The following ARMC2 variants were observed in gnomAD, a reference collection of about 807,000 sequenced individuals.
ARMC2 encodes armadillo repeat containing 2, also known as armadillo repeat-containing protein 2.
ARMC2 carries 67 observed loss-of-function variants against 90.3 expected under a neutral mutation model. That is an observed-to-expected ratio of 0.74 (90% confidence interval 0.61 to 0.91). ARMC2 has a LOEUF of 0.91. Among genes scored for constraint, ARMC2 ranks in the 40% least tolerant of loss-of-function variants. ARMC2 has a pLI of 0.00. For missense variants in ARMC2, 920 were observed against 1,030.9 expected, an observed-to-expected ratio of 0.89 and a Z score of 1.47; for synonymous variants, 393 against 393.0, an observed-to-expected ratio of 1.00 and a Z score of 0.00.
chr6:108,857,602 C>CTCTT (rs148901821), intron 2 of ARMC2, among the ~76,000 whole-genome samples: 1,802 of 152,300 alleles, frequency 0.012, 34 homozygotes, highest in African/African-American at 0.042. Flanking sequence ...AGTGGGAAAA[C>CTCTT]TCTTATCATA....
intron 17 of ARMC2, among the ~76,000 whole-genome samples, chr6:108,965,942 C>T (rs959080629): frequency 1.5e-4 from 22 of 151,422 alleles, no homozygotes; most frequent in Non-Finnish European, 1.6e-4. Flanking sequence ...TGTGAACCAC[C>T]TTGCCTGGCC....
the ARMC2 span, chr6:108,999,995 G>A: frequency 2.0e-5 from 3 of 152,140 alleles, no homozygotes; most frequent in African/African-American, 7.2e-5. Flanking sequence ...GCATGAAGAA[G>A]CCTTAAATGG....
the ARMC2 span, among the ~76,000 whole-genome samples, chr6:109,036,765 C>T: frequency 1.0e-3 from 153 of 152,192 alleles, no homozygotes; most frequent in Middle Eastern, 0.014. Context: ...TTTCCAGTGG[C>T]GCTATTATTC....
the ARMC2 span, chr6:109,002,343 C>T: frequency 6.2e-7 from 1 of 1,612,672 alleles, no homozygotes. Flanking sequence ...ATGCCAAGTT[C>T]CTAGAAAAGA....
intron 8 of ARMC2, among the ~76,000 whole-genome samples, chr6:108,908,730 G>A (rs1583077155): frequency 6.6e-6 from 1 of 152,166 alleles, no homozygotes; most frequent in South Asian, 2.1e-4. Flanking sequence ...CAGCCTGGGT[G>A]AAAGAGCAAG....
rs146008418 is a variant in ARMC2 at position 108,926,331 on chromosome 6, G to A, written c.1351-1757G>A. On this transcript the variant is annotated intron_variant, in intron 10 of 17. Coordinates refer to ENST00000392644, the MANE Select transcript of ARMC2 (RefSeq NM_032131.6). ...AAACCAGTAGTGCTCCGGTGCCTGG[G>A]CTGTCTCAGGAGAACAGGTGGAAAC... Among the ~76,000 whole-genome samples, 820 of 152,334 alleles carry A rather than the reference G, an allele frequency of 5.4e-3. 5 individuals carry two copies. The highest frequency in any genetic ancestry group is 0.019 in the African/African-American group (774 of 41,578).
intron 13 of ARMC2, among the ~76,000 whole-genome samples, chr6:108,958,325 C>T (rs1382143833): frequency 1.3e-5 from 2 of 152,162 alleles, no homozygotes; most frequent in African/African-American, 4.8e-5. Context: ...GAGACAGATG[C>T]ACCTTTCGAG....
At chr6:108,962,158 T>C in intron 15 of ARMC2, 31 bp downstream of exon 15, 1 of 1,518,290 alleles carries the variant, frequency 6.6e-7, no homozygotes, top group African/African-American at 1.4e-5. Context: ...TTCATAAACA[T>C]TCACTTTTTG....
Position 108,865,230 on chromosome 6 carries a change from G to A in ARMC2, c.292-3594G>A, listed in dbSNP as rs560059183. On this transcript the variant is annotated intron_variant, in intron 3 of 17. Transcript: ENST00000392644. ...ACTCCTGACCTCAGGTGATCCCCCC[G>A]CCTCAGCCTCCCAAAGTGCTGGGAT... Among the ~76,000 whole-genome samples the A allele has an allele frequency of 4.1e-3, 626 of 152,018 alleles. 2 individuals are homozygous for A. Among genetic ancestry groups the A allele is most frequent in the African/African-American group, 0.014 (585 of 41,454 alleles).
intron 12 of ARMC2, among the ~76,000 whole-genome samples, chr6:108,949,905 C>A (rs1014851905): frequency 6.6e-6 from 1 of 152,300 alleles, no homozygotes; most frequent in Non-Finnish European, 1.5e-5. Context: ...TCAAACTAAT[C>A]CTCTTCAAAC....
At chr6:108,976,567 T>C (rs1316809480), downstream of ARMC2, among the ~76,000 whole-genome samples, 1 of 152,224 alleles carries the variant, frequency 6.6e-6, no homozygotes, top group African/African-American at 2.4e-5. Context: ...TTGATGGGGA[T>C]AGCATTGAAT....
the ARMC2 span, among the ~76,000 whole-genome samples, chr6:109,011,066 G>A: frequency 6.6e-6 from 1 of 152,154 alleles, no homozygotes; most frequent in South Asian, 2.1e-4. Flanking sequence ...ATTTCTGAAG[G>A]AATCACAGTT....
At chr6:108,961,469 G>T in intron 13 of ARMC2, 103 bp from the exon 14 acceptor site, 1 of 1,319,782 alleles carries the variant, frequency 7.6e-7, no homozygotes. Context: ...GGGACCCTGC[G>T]TGATCGCAGC....
At chr6:108,923,840 G>A (rs1774847898) in intron 10 of ARMC2, among the ~76,000 whole-genome samples, 3 of 151,924 alleles carry the variant, frequency 2.0e-5, no homozygotes, top group Admixed American at 1.3e-4. Context: ...CTAAGCTCCC[G>A]CACTTTCTTG....
In ARMC2 at chr6:108,936,899, G is replaced by A; in HGVS notation, c.1497-1G>A. The A allele has an allele frequency of 6.3e-7, 1 of 1,588,432 alleles. No individual in the cohort carries two copies. Among genetic ancestry groups the A allele is most frequent in the Non-Finnish European group, 8.6e-7 (1 of 1,166,082 alleles). ...TATTTTCCCATTTGGCATTTCTGCA[G>A]CAAACTTACTTCTTACCGTGACTGC... On this transcript the variant is annotated splice_acceptor_variant, in intron 11 of 17. Coordinates refer to ENST00000392644, the MANE Select transcript of ARMC2 (RefSeq NM_032131.6). LOFTEE classifies it high-confidence loss of function.
intron 5 of ARMC2, among the ~76,000 whole-genome samples, chr6:108,879,376 C>T (rs904296348): frequency 2.6e-4 from 40 of 151,942 alleles, no homozygotes; most frequent in African/African-American, 9.6e-4. Context: ...TCCACCTATC[C>T]ACCCATCCAT....
At chr6:108,976,039 C>G (rs1223209539), downstream of ARMC2, among the ~76,000 whole-genome samples, 1 of 152,096 alleles carries the variant, frequency 6.6e-6, no homozygotes, top group African/African-American at 2.4e-5. Context: ...GCTTTTGTTG[C>G]CATTGCTTTT....
the ARMC2 span, among the ~76,000 whole-genome samples, chr6:109,015,820 T>C: frequency 6.6e-6 from 1 of 152,178 alleles, no homozygotes; most frequent in Non-Finnish European, 1.5e-5. Flanking sequence ...TTTCTCAGAC[T>C]GAATATACTC....
intron 12 of ARMC2, among the ~76,000 whole-genome samples, chr6:108,946,081 T>C (rs936236377): frequency 1.3e-5 from 2 of 152,264 alleles, no homozygotes; most frequent in Admixed American, 1.3e-4. Flanking sequence ...CCGGGCAGGC[T>C]GTACAATACG....
Sources: gnomAD v4.1 joint callset for allele counts (sites outside exome capture counted in the v4.1 genomes callset) on GRCh38, gnomAD v4.1.1 for gene constraint, MANE v1.5 for transcripts, NCBI Gene and HGNC (gene_info 2026-07-23, HGNC 2026-07-21) for gene names.